WDR76: variants seen among roughly 807,000 people sequenced by gnomAD.
WDR76 encodes the protein WD repeat domain 76, also known as WD repeat-containing protein 76.
A neutral mutation model predicts 70.2 loss-of-function variants in WDR76; 52 were observed. The ratio of observed to expected loss-of-function variants is 0.74; its 90% CI spans 0.59 to 0.93. The LOEUF is 0.93. Among genes scored for constraint, WDR76 ranks in the 40% least tolerant of loss-of-function variants. The pLI, the probability that WDR76 is intolerant of heterozygous loss-of-function variation, is 0.00. For missense variants in WDR76, 756 were observed against 760.2 expected, an observed-to-expected ratio of 0.99 and a Z score of 0.07; for synonymous variants, 292 against 271.1, an observed-to-expected ratio of 1.08 and a Z score of -0.76.
intron 2 of WDR76, among the ~76,000 whole-genome samples, chr15:43,833,991 C>G (rs181994732): frequency 1.3e-5 from 2 of 152,080 alleles, no homozygotes; most frequent in African/African-American, 4.8e-5. Flanking sequence ...AGCAGTTTCT[C>G]GAACAATGAA....
chr15:43,835,285 A>T, intron 3 of WDR76, 135 bp downstream of exon 3: 1 of 619,362 alleles, frequency 1.6e-6, no homozygotes, highest in Non-Finnish European at 2.7e-6. Flanking sequence ...TGGGTAACAT[A>T]CGGAGACCCG....
At chr15:43,838,167 C>G (rs1050308802) in intron 4 of WDR76, among the ~76,000 whole-genome samples, 1 of 151,654 alleles carries the variant, frequency 6.6e-6, no homozygotes, top group African/African-American at 2.4e-5. Flanking sequence ...GCCACTGTGC[C>G]CAGCCTATAG....
At position 43,866,328 on chromosome 15, in the gene WDR76, A is replaced by G; in HGVS notation, c.1817A>G (p.Tyr606Cys). 3 of 1,614,146 alleles carry G rather than the reference A, an allele frequency of 1.9e-6. No homozygotes were observed. Among genetic ancestry groups the G allele is most frequent in the Non-Finnish European group, 2.5e-6 (3 of 1,180,030 alleles). Reference protein sequence around the residue: ...CSINAMHPTRYILAGGNSSGK... With the variant: ...CSINAMHPTRCILAGGNSSGK... ...ATCAATGCCATGCACCCAACTCGGT[A>G]TATTTTGGCTGGAGGTAATTCCAGC... The change falls in exon 13 of 13, where the codon TAT becomes TGT. Residue 606 changes from tyrosine (Y) to cysteine (C), a missense_variant. Coordinates refer to ENST00000263795, the MANE Select transcript of WDR76 (RefSeq NM_024908.4).
chr15:43,842,273 T>C lies in WDR76; in HGVS notation c.733-142T>C, dbSNP rs892069357. On this transcript the variant is annotated intron_variant, in intron 5 of 12. Coordinates refer to ENST00000263795, the MANE Select transcript of WDR76 (RefSeq NM_024908.4). Reference sequence around the variant, plus strand: ...CTGGCATTCATTTATTGAACAATTATTTTGAATGTCCATGATATGCCACCA... The same window carrying C: ...CTGGCATTCATTTATTGAACAATTACTTTGAATGTCCATGATATGCCACCA... The C allele has an allele frequency of 6.1e-6, 4 of 653,734 alleles. No homozygotes were observed. The African/African-American group carries it at 7.3e-5, about 12-fold the overall frequency. 40.5% of individuals were successfully genotyped at this position (653,734 alleles called of 1,614,324 possible).
At position 43,846,425 on chromosome 15, in the gene WDR76, C is replaced by T. The variant is rs1054038786; in HGVS notation, c.1032+2371C>T. On this transcript the variant is annotated intron_variant, in intron 8 of 12. Coordinates refer to ENST00000263795, the MANE Select transcript of WDR76 (RefSeq NM_024908.4). ...TCAGCTTCCTGCGTAGCTGGGACTA[C>T]GGTCATGTGCCACCACACCTGGCTA... is the stretch of plus-strand genomic sequence containing the variant. Among the ~76,000 whole-genome samples, 7 of 148,998 alleles carry T rather than the reference C, an allele frequency of 4.7e-5. 1 individual carries two copies. Among genetic ancestry groups the T allele is most frequent in the Non-Finnish European group, 9.0e-5 (6 of 66,570 alleles).
intron 10 of WDR76, chr15:43,857,486 C>A: frequency 1.0e-6 from 1 of 985,302 alleles, no homozygotes; most frequent in Non-Finnish European, 1.2e-6. Flanking sequence ...AACTTGTTGG[C>A]CTGTGTTAAC....
Position 43,836,115 on chromosome 15 carries a change from A to G in WDR76, c.553-46A>G, listed in dbSNP as rs748004973. 1.8e-5 allele frequency: 28 copies of G among 1,551,638 alleles called. No homozygotes were observed. The South Asian group carries it at 3.2e-4, about 18-fold the overall frequency. ...GCAGATGCTTAATATTTTAAAAGGT[A>G]AGATACGTAGTTATAACATTTTTAC... On this transcript the variant is annotated intron_variant, in intron 3 of 12. Coordinates refer to ENST00000263795, the MANE Select transcript of WDR76 (RefSeq NM_024908.4).
intron 4 of WDR76, among the ~76,000 whole-genome samples, chr15:43,838,381 T>C (rs1374227293): frequency 2.0e-5 from 3 of 151,988 alleles, no homozygotes; most frequent in Non-Finnish European, 2.9e-5. Flanking sequence ...ATACGGGGTT[T>C]CGCCATGTTG....
intron 9 of WDR76, 79 bp from the exon 10 acceptor site, chr15:43,856,867 C>G: frequency 7.9e-7 from 1 of 1,271,238 alleles, no homozygotes; most frequent in South Asian, 1.5e-5. Context: ...GTTTTATAAC[C>G]CTTTTACCAA....
intron 5 of WDR76, among the ~76,000 whole-genome samples, chr15:43,840,866 A>G (rs2087715497): frequency 6.6e-6 from 1 of 152,134 alleles, no homozygotes; most frequent in African/African-American, 2.4e-5. Context: ...CTGTAGTCCC[A>G]GCTCCTCAGG....
intron 8 of WDR76, among the ~76,000 whole-genome samples, chr15:43,847,156 C>T (rs902631066): frequency 3.3e-5 from 5 of 152,032 alleles, no homozygotes; most frequent in African/African-American, 1.2e-4. Flanking sequence ...ATTACCTTGT[C>T]TATCCTGTGC....
intron 11 of WDR76, among the ~76,000 whole-genome samples, chr15:43,859,436 G>A (rs1462211070): frequency 6.6e-6 from 1 of 152,170 alleles, no homozygotes; most frequent in Middle Eastern, 3.2e-3. Flanking sequence ...TAGAATCCCT[G>A]ATTTTGCTTA....
At chr15:43,833,388 G>A (rs1314802096) in intron 2 of WDR76, among the ~76,000 whole-genome samples, 1 of 147,728 alleles carries the variant, frequency 6.8e-6, no homozygotes, top group Non-Finnish European at 1.5e-5. Flanking sequence ...GCGCCATCTC[G>A]GCTCACTGCA....
intron 10 of WDR76, chr15:43,858,458 C>A: frequency 2.0e-6 from 1 of 492,868 alleles, no homozygotes; most frequent in Admixed American, 3.9e-5. Flanking sequence ...CATGTTGAGG[C>A]TGGTTTCGAA....
chr15:43,860,424 GTA>G (rs968556506), intron 11 of WDR76, among the ~76,000 whole-genome samples: 1 of 152,138 alleles, frequency 6.6e-6, no homozygotes, highest in African/African-American at 2.4e-5. Flanking sequence ...TGTGAATTTT[GTA>G]TATAGTTTTA....
rs917790424 is a variant in WDR76, at chr15:43,866,704, G to A, written c.*312G>A. 3.5e-5 allele frequency: 8 copies of A among 228,234 alleles called. No homozygotes were observed. Among genetic ancestry groups the A allele is most frequent in the East Asian group, 1.0e-4 (1 of 9,678 alleles). The allele number at this position is 228,234 out of a possible 1,614,324, so 14.1% of individuals were successfully genotyped here. ...TGCAATAGCGCGATCTTGGCTCACC[G>A]CAACCTCCGCCTCCCAGGTTCAAGC... On this transcript the variant is annotated 3_prime_UTR_variant, in exon 13 of 13. Transcript: ENST00000263795.
At chr15:43,849,418 T>C (rs895611401) in intron 8 of WDR76, among the ~76,000 whole-genome samples, 7 of 152,224 alleles carry the variant, frequency 4.6e-5, no homozygotes, top group Admixed American at 1.3e-4. Context: ...GATAGAATGA[T>C]AGCGAAGAAA....
rs1158915508 is a variant in WDR76, at chr15:43,828,224, C to T, written c.320C>T (p.Ser107Phe). 1 of 1,614,026 alleles carries T rather than the reference C, an allele frequency of 6.2e-7. No individual in the cohort carries two copies. Among genetic ancestry groups the T allele is most frequent in the Non-Finnish European group, 8.5e-7 (1 of 1,180,038 alleles). Reference protein sequence around the residue: ...KMKNTSSKAESTLQNSSSAVH... With the variant: ...KMKNTSSKAEFTLQNSSSAVH... ...AAAAACACATCTTCCAAGGCAGAAT[C>T]CACGCTGCAAAATTCATCCTCAGCT... Residue 107 changes from serine (S) to phenylalanine (F), a missense_variant, in exon 2 of 13, where the codon TCC becomes TTC. By Grantham distance (155) the Ser-to-Phe change is radical (BLOSUM62 -2). Transcript: ENST00000263795.
chr15:43,835,264 C>G, intron 3 of WDR76, 114 bp downstream of exon 3: 2 of 859,192 alleles, frequency 2.3e-6, no homozygotes, highest in Non-Finnish European at 3.7e-6. Context: ...GCCAGGAGTT[C>G]GAGATCAGCC....
Sources: gnomAD v4.1 joint callset for allele counts (sites outside exome capture counted in the v4.1 genomes callset) on GRCh38, gnomAD v4.1.1 for gene constraint, MANE v1.5 for transcripts, NCBI Gene and HGNC (gene_info 2026-07-23, HGNC 2026-07-21) for gene names.